Variants in FLRT1 observed in about 807,000 individuals in gnomAD.
FLRT1 encodes fibronectin leucine rich transmembrane protein 1, also known as leucine-rich repeat transmembrane protein FLRT1.
Under a neutral mutation model 30.9 loss-of-function variants are expected in FLRT1, and 14 were observed. The ratio of observed to expected loss-of-function variants is 0.45; its 90% CI spans 0.30 to 0.71. FLRT1 has a LOEUF of 0.71. FLRT1 is among the 30% of genes least tolerant of loss of function. FLRT1 has a pLI of 0.08. For synonymous variants in FLRT1, 368 were observed against 430.4 expected (o/e 0.85, Z 1.80); for missense variants, 737 against 949.2 (o/e 0.78, Z 2.94).
chr11:64,118,055 A>G lies in FLRT1; in HGVS notation c.1788A>G (p.Lys596=), dbSNP rs755106183. 1 of 1,613,584 alleles carries G rather than the reference A, an allele frequency of 6.2e-7. No individual in the cohort carries two copies. Among genetic ancestry groups the G allele is most frequent in the Non-Finnish European group, 8.5e-7 (1 of 1,179,890 alleles). ...RERAYNRGSR[K]KDDYMESGTK... is the part of the protein sequence containing the mutation. ...GGGCCTACAACCGGGGCAGCAGGAA[A>G]AAGGATGACTATATGGAGTCAGGGA... Residue 596 remains lysine (K), a synonymous_variant, in exon 3 of 3, where the codon AAA becomes AAG. Transcript: ENST00000682287.
intron 1 of FLRT1, among the ~76,000 whole-genome samples, chr11:64,043,357 G>C (rs557118021): frequency 6.6e-6 from 1 of 152,316 alleles, no homozygotes; most frequent in Admixed American, 6.5e-5. Flanking sequence ...CTCTCTGGCA[G>C]GAAGGCTTGT....
chr11:64,055,918 C>T lies in FLRT1; in HGVS notation c.-1038+19759C>T, dbSNP rs541145017. Among the ~76,000 whole-genome samples, 54 of 152,320 alleles carry T rather than the reference C, an allele frequency of 3.5e-4. 1 individual carries two copies. Among genetic ancestry groups the T allele is most frequent in the African/African-American group, 1.2e-3 (50 of 41,570 alleles). ...CAGGCAGGGCACAGCAGGTGAGGGACAGATGCCATGCTGCCTGCAGCCGAC... is the reference window on the plus strand; with the variant it reads ...CAGGCAGGGCACAGCAGGTGAGGGATAGATGCCATGCTGCCTGCAGCCGAC... On this transcript the variant is annotated intron_variant, in intron 1 of 2. Transcript: ENST00000682287.
chr11:64,043,842 G>A (rs1018793410), intron 1 of FLRT1, among the ~76,000 whole-genome samples: 9 of 149,358 alleles, frequency 6.0e-5, no homozygotes, highest in South Asian at 2.1e-4. Context: ...ACGGAGTTTC[G>A]CTCTTGTTGC....
At chr11:64,069,698 G>A (rs1565218426) in intron 1 of FLRT1, among the ~76,000 whole-genome samples, 1 of 152,216 alleles carries the variant, frequency 6.6e-6, no homozygotes, top group Non-Finnish European at 1.5e-5. Flanking sequence ...GGCAGAGCAG[G>A]CGGTGGTGGG....
chr11:64,109,900 G>A (rs895082765), intron 2 of FLRT1, among the ~76,000 whole-genome samples: 4 of 152,118 alleles, frequency 2.6e-5, no homozygotes, highest in East Asian at 3.9e-4. Flanking sequence ...AGTAGAGAAC[G>A]GGCCACTGGA....
intron 1 of FLRT1, among the ~76,000 whole-genome samples, chr11:64,071,268 C>G (rs1320076553): frequency 4.6e-5 from 7 of 152,150 alleles, no homozygotes; most frequent in Admixed American, 4.6e-4. Flanking sequence ...CCACAGGGTT[C>G]CCACCCAGCA....
chr11:64,047,795 G>A (rs1943612690), intron 1 of FLRT1, among the ~76,000 whole-genome samples: 2 of 151,862 alleles, frequency 1.3e-5, no homozygotes, highest in Admixed American at 1.3e-4. Flanking sequence ...AACTCGGGAG[G>A]CTGAGGCAGG....
intron 1 of FLRT1, among the ~76,000 whole-genome samples, chr11:64,071,006 C>T (rs1277079565): frequency 6.6e-6 from 1 of 152,118 alleles, no homozygotes; most frequent in Non-Finnish European, 1.5e-5. Context: ...CTCAGACCTC[C>T]ACAGTTCACA....
At chr11:64,045,714 C>T (rs963318795) in intron 1 of FLRT1, among the ~76,000 whole-genome samples, 1 of 152,222 alleles carries the variant, frequency 6.6e-6, no homozygotes, top group African/African-American at 2.4e-5. Context: ...GTTGCATAAG[C>T]CACTGTACCC....
intron 1 of FLRT1, among the ~76,000 whole-genome samples, chr11:64,051,899 G>A (rs539783714): frequency 7.9e-5 from 12 of 152,106 alleles, no homozygotes; most frequent in African/African-American, 2.4e-4. Flanking sequence ...TTCCTCTCTC[G>A]GGGGCTGCAA....
At position 64,089,241 on chromosome 11, in the gene FLRT1, G is replaced by A. The variant is rs893191540; in HGVS notation, c.-1037-13953G>A. ...ATTGCACCGCGGAGGTGAGGGCCCCGGGCTCTGGGTGGGGGAGCAGGGCTT... is the reference window on the plus strand; with the variant it reads ...ATTGCACCGCGGAGGTGAGGGCCCCAGGCTCTGGGTGGGGGAGCAGGGCTT... On this transcript the variant is annotated intron_variant, in intron 1 of 2. Coordinates refer to ENST00000682287, the MANE Select transcript of FLRT1 (RefSeq NM_013280.5). Among the ~76,000 whole-genome samples the A allele has an allele frequency of 4.6e-5, 7 of 152,184 alleles. No individual in the cohort carries two copies. The East Asian group carries it at 7.7e-4, about 17-fold the overall frequency.
intron 2 of FLRT1, among the ~76,000 whole-genome samples, chr11:64,111,930 C>A (rs1944870431): frequency 1.3e-5 from 2 of 152,246 alleles, no homozygotes; most frequent in South Asian, 4.1e-4. Context: ...TCAGCCTGGG[C>A]TGCAGGACTG....
chr11:64,056,373 T>C (rs1420650688), intron 1 of FLRT1, among the ~76,000 whole-genome samples: 1 of 152,108 alleles, frequency 6.6e-6, no homozygotes, highest in Non-Finnish European at 1.5e-5. Flanking sequence ...AGTGCCAGAA[T>C]GAACAGGCCC....
At chr11:64,088,913 GGGTTAGGAAACCAACAGGGGAA>G (rs1238645869) in intron 1 of FLRT1, among the ~76,000 whole-genome samples, 1 of 152,138 alleles carries the variant, frequency 6.6e-6, no homozygotes, top group Non-Finnish European at 1.5e-5. Context: ...GTCATGGGCG[GGGTTAGGAAACCAACAGGGGAA>G]GGTGGGCAGC....
intron 1 of FLRT1, among the ~76,000 whole-genome samples, chr11:64,043,097 C>CGGA (rs1943519584): frequency 6.6e-6 from 1 of 152,196 alleles, no homozygotes; most frequent in African/African-American, 2.4e-5. Context: ...CCTCACGTCC[C>CGGA]CTCTCTGTGC....
chr11:64,053,929 G>A (rs1276070472), intron 1 of FLRT1, among the ~76,000 whole-genome samples: 1 of 152,110 alleles, frequency 6.6e-6, no homozygotes, highest in East Asian at 1.9e-4. Context: ...CTGCTGGCCC[G>A]GAGTCATCCT....
chr11:64,038,324 C>T (rs904883664), intron 1 of FLRT1, among the ~76,000 whole-genome samples: 9 of 152,206 alleles, frequency 5.9e-5, no homozygotes, highest in Non-Finnish European at 1.0e-4. Context: ...TCCTTGCCTG[C>T]GCAGGGGTTT....
intron 1 of FLRT1, among the ~76,000 whole-genome samples, chr11:64,063,273 C>T (rs1943937798): frequency 6.6e-6 from 1 of 152,046 alleles, no homozygotes; most frequent in Non-Finnish European, 1.5e-5. Context: ...TATTAGCGCC[C>T]TCTTCCTAGG....
intron 2 of FLRT1, among the ~76,000 whole-genome samples, chr11:64,107,737 G>A (rs909393139): frequency 5.3e-5 from 8 of 152,222 alleles, no homozygotes; most frequent in Non-Finnish European, 1.2e-4. Flanking sequence ...ACCCTGCCCT[G>A]GCGGGAGCTG....
Sources: allele counts gnomAD v4.1 joint callset (sites outside exome capture counted in the v4.1 genomes callset), GRCh38; gene constraint gnomAD v4.1.1; transcripts MANE v1.5; gene names NCBI Gene and HGNC (gene_info 2026-07-23, HGNC 2026-07-21).